GPATCH1: variants seen among roughly 807,000 people sequenced by gnomAD.
GPATCH1 encodes the protein G-patch domain containing 1, also known as G patch domain-containing protein 1.
In GPATCH1, 73 loss-of-function variants were observed where a neutral mutation model predicts 114.9. The observed-to-expected ratio is 0.64, with a 90% CI of 0.53 to 0.77. The LOEUF (loss-of-function observed/expected upper bound fraction) is 0.77, where lower values mean the gene tolerates loss of function less well. Among genes scored for constraint, GPATCH1 ranks in the 30% least tolerant of loss-of-function variants. The probability of loss-of-function intolerance (pLI) is 0.00; values close to 1 mark genes in which losing one functional copy is unlikely to be tolerated. For missense variants in GPATCH1, 1,058 were observed against 1,144.3 expected (o/e 0.92, Z 1.09); for synonymous variants, 391 against 428.4 (o/e 0.91, Z 1.08).
chr19:33,088,064 T>C, intron 1 of GPATCH1, 70 bp from the exon 2 acceptor site: 8 of 852,598 alleles, frequency 9.4e-6, no homozygotes, highest in Middle Eastern at 3.2e-4. Context: ...AAAGTGACAT[T>C]TTCCCTAAAT....
intron 8 of GPATCH1, 113 bp downstream of exon 8, chr19:33,098,015 T>G (rs1972683431): frequency 9.7e-7 from 1 of 1,027,430 alleles, no homozygotes; most frequent in Non-Finnish European, 1.5e-6. Context: ...AAAGTCACGG[T>G]AAGAAACAAA....
rs532492053 is a variant in GPATCH1 at position 33,113,900 on chromosome 19, G to A, written c.2026G>A (p.Asp676Asn). The A allele has an allele frequency of 3.7e-6, 6 of 1,613,886 alleles. No individual in the cohort carries two copies. Among genetic ancestry groups the A allele is most frequent in the East Asian group, 4.5e-5 (2 of 44,882 alleles). ...AAAAGTATCACAGCACCGAGGTCCC[G>A]ACAGTGAGTAGGGCGTCCCCGGGGT... is the stretch of plus-strand genomic sequence containing the variant. Reference protein sequence around the residue: ...SEKVSQHRGPDKSRKPSRWDT... With the variant: ...SEKVSQHRGPNKSRKPSRWDT... Residue 676 changes from aspartate (D) to asparagine (N), a missense_variant, in exon 14 of 20, where the codon GAC (aspartate) becomes AAC (asparagine). Around this residue, in one of 3 missense-constraint regions of GPATCH1, gnomAD observed 893 missense variants for 977.4 expected, o/e 0.91. Coordinates refer to ENST00000170564, the MANE Select transcript of GPATCH1 (RefSeq NM_018025.3).
In GPATCH1 at chr19:33,112,551, G is replaced by C. The variant is rs748616321; in HGVS notation, c.1830G>C (p.Thr610=). The change falls in exon 13 of 20, where the codon ACG becomes ACC. Residue 610 remains threonine, a synonymous_variant. Coordinates refer to ENST00000170564, the MANE Select transcript of GPATCH1 (RefSeq NM_018025.3). The part of the protein sequence containing the change: ...MKMFGKLTRD[T]FEWHPDKLLC... Reference sequence around the variant, plus strand: ...TGTTTGGGAAGCTCACCCGAGACACGTTTGAGTGGCACCCTGACAAGCTTC... The same window carrying C: ...TGTTTGGGAAGCTCACCCGAGACACCTTTGAGTGGCACCCTGACAAGCTTC... 7 of 1,613,880 alleles carry C rather than the reference G, an allele frequency of 4.3e-6. No individual in the cohort carries two copies. The highest frequency in any genetic ancestry group is 1.7e-5 in the Admixed American group (1 of 60,008).
intron 8 of GPATCH1, 95 bp downstream of exon 8, chr19:33,097,997 T>C: frequency 8.5e-7 from 1 of 1,171,044 alleles, no homozygotes; most frequent in Non-Finnish European, 1.2e-6. Context: ...CAGCCTCTGT[T>C]GTTGGTCAAA....
chr19:33,081,557 T>G (rs1414489664), intron 1 of GPATCH1, among the ~76,000 whole-genome samples: 1 of 151,942 alleles, frequency 6.6e-6, no homozygotes, highest in Non-Finnish European at 1.5e-5. Flanking sequence ...AGGCAGTGTC[T>G]TCCCCGAGAG....
intron 17 of GPATCH1, among the ~76,000 whole-genome samples, chr19:33,124,787 T>C (rs918422): frequency 0.017 from 2,531 of 152,326 alleles, 213 homozygotes; most frequent in Admixed American, 0.14. Flanking sequence ...TATCTGATGA[T>C]GTTGGATTAC....
intron 11 of GPATCH1, among the ~76,000 whole-genome samples, chr19:33,110,603 G>C (rs542698553): frequency 6.6e-6 from 1 of 151,692 alleles, no homozygotes; most frequent in African/African-American, 2.4e-5. Flanking sequence ...TCTATTTACT[G>C]TGCCTTAACT....
chr19:33,097,658 C>T (rs1972677389), intron 7 of GPATCH1, 97 bp from the exon 8 acceptor site: 1 of 1,112,644 alleles, frequency 9.0e-7, no homozygotes. Context: ...GAAGTGCTAA[C>T]ATGGTTTCCA....
chr19:33,094,312 ACT>A, intron 5 of GPATCH1, 43 bp downstream of exon 5: 1 of 988,716 alleles, frequency 1.0e-6, no homozygotes, highest in Non-Finnish European at 1.5e-6. Flanking sequence ...GCTGCAGCGT[ACT>A]TTTTTTTTTT....
Position 33,097,744 on chromosome 19 carries a change from T to C in GPATCH1, c.853-11T>C. 2 of 1,613,352 alleles carry C rather than the reference T, an allele frequency of 1.2e-6. No homozygotes were observed. The highest frequency in any genetic ancestry group is 1.7e-5 in the Admixed American group (1 of 59,968). On this transcript the variant is annotated splice_polypyrimidine_tract_variant and intron_variant, in intron 7 of 19. Coordinates refer to ENST00000170564, the MANE Select transcript of GPATCH1 (RefSeq NM_018025.3). ...CACCTGTGCTCAGTTTGAAACCTTG[T>C]TTTTTTAAAGGCTTTTGGTGTAGGT...
intron 7 of GPATCH1, 80 bp downstream of exon 7, chr19:33,096,526 C>A: frequency 8.4e-7 from 1 of 1,185,806 alleles, no homozygotes; most frequent in Non-Finnish European, 1.2e-6. Context: ...TTTAGAGGTT[C>A]TTTATTTTCT....
chr19:33,114,766 G>C (rs1378925795), intron 15 of GPATCH1, among the ~76,000 whole-genome samples: 1 of 148,576 alleles, frequency 6.7e-6, no homozygotes, highest in Non-Finnish European at 1.5e-5. Flanking sequence ...CACTTCTTAG[G>C]TGTATATACA....
At chr19:33,126,520 T>A (rs1973042767) in intron 18 of GPATCH1, 68 bp from the exon 19 acceptor site, 7 of 1,593,714 alleles carry the variant, frequency 4.4e-6, no homozygotes, top group Non-Finnish European at 6.0e-6. Flanking sequence ...CTTGTTAACC[T>A]TTCATTGTAT....
At chr19:33,126,472 G>A in intron 18 of GPATCH1, 116 bp from the exon 19 acceptor site, 1 of 1,473,490 alleles carries the variant, frequency 6.8e-7, no homozygotes, top group Non-Finnish European at 9.1e-7. Flanking sequence ...CTCTAAATGA[G>A]GTTTAAACAT....
intron 13 of GPATCH1, 71 bp from the exon 14 acceptor site, chr19:33,113,696 T>C: frequency 7.2e-7 from 1 of 1,384,912 alleles, no homozygotes; most frequent in Non-Finnish European, 1.0e-6. Flanking sequence ...AAACTTGAGA[T>C]GGAAAGCTTT....
At chr19:33,119,739 A>T (rs1307827441) in intron 17 of GPATCH1, among the ~76,000 whole-genome samples, 2 of 146,250 alleles carry the variant, frequency 1.4e-5, no homozygotes, top group African/African-American at 5.1e-5. Context: ...CAATGGCTCT[A>T]GCTGGGCTGG....
chr19:33,098,870 G>A, intron 8 of GPATCH1, among the ~76,000 whole-genome samples: 1 of 151,994 alleles, frequency 6.6e-6, no homozygotes, highest in East Asian at 1.9e-4. Flanking sequence ...TTAACCTCCG[G>A]GTGGTCAGTG....
At chr19:33,095,530 T>G (rs1349351850) in intron 5 of GPATCH1, among the ~76,000 whole-genome samples, 4 of 151,936 alleles carry the variant, frequency 2.6e-5, no homozygotes, top group Admixed American at 1.3e-4. Flanking sequence ...CCCAAAGTAC[T>G]GGGATTACAG....
intron 17 of GPATCH1, among the ~76,000 whole-genome samples, chr19:33,124,797 C>T (rs974939935): frequency 1.2e-4 from 18 of 152,168 alleles, no homozygotes; most frequent in African/African-American, 1.7e-4. Flanking sequence ...TGTTGGATTA[C>T]AAAAGGCTTT....
Sources: allele counts gnomAD v4.1 joint callset (sites outside exome capture counted in the v4.1 genomes callset), GRCh38; gene constraint gnomAD v4.1.1; regional missense constraint gnomAD v4.1.1; transcripts MANE v1.5; gene names NCBI Gene and HGNC (gene_info 2026-07-23, HGNC 2026-07-21).